Variants in GLIS3 observed in about 807,000 individuals in gnomAD.
The protein encoded by GLIS3 is GLIS family zinc finger 3.
Under a neutral mutation model 78.6 loss-of-function variants are expected in GLIS3, and 53 were observed. The observed-to-expected ratio is 0.67, with a 90% confidence interval of 0.54 to 0.85. The LOEUF (loss-of-function observed/expected upper bound fraction) is 0.85. GLIS3 is among the 40% of genes least tolerant of loss of function. GLIS3 has a pLI of 0.00. For synonymous variants in GLIS3, 684 were observed against 509.9 expected (o/e 1.34, Z -4.60); for missense variants, 1,703 against 1,231.1 (o/e 1.38, Z -5.74).
Position 3,951,642 on chromosome 9 carries a change from T to C in GLIS3, c.1711-14453A>G, listed in dbSNP as rs915746472. Reference sequence around the variant, plus strand: ...AAGGGACCGACCGGTCCTCCTTAGCTCTAAACTTCAGGGTGAACGGACACT... The same window carrying C: ...AAGGGACCGACCGGTCCTCCTTAGCCCTAAACTTCAGGGTGAACGGACACT... On this transcript the variant is annotated intron_variant, in intron 4 of 10. Coordinates refer to ENST00000381971, the MANE Select transcript of GLIS3 (RefSeq NM_001042413.2). Among the ~76,000 whole-genome samples the C allele has an allele frequency of 2.6e-5, 4 of 152,164 alleles. No individual in the cohort carries two copies. The South Asian group carries it at 8.3e-4, about 32-fold the overall frequency.
intron 2 of GLIS3, among the ~76,000 whole-genome samples, chr9:4,155,262 A>G (rs979444033): frequency 6.6e-6 from 1 of 152,208 alleles, no homozygotes; most frequent in Non-Finnish European, 1.5e-5. Flanking sequence ...ATCACTGCCA[A>G]AAGATTTTTA....
At chr9:4,483,551 C>G in the GLIS3 span, among the ~76,000 whole-genome samples, 2 of 151,882 alleles carry the variant, frequency 1.3e-5, no homozygotes, top group Non-Finnish European at 2.9e-5. Flanking sequence ...AACCCCATCT[C>G]TACTAAAAAT....
rs375294710 is a variant in GLIS3 at position 4,123,916 on chromosome 9, CA to C, written c.596+1817del. 276 of 395,740 alleles carry C rather than the reference CA, an allele frequency of 7.0e-4. 2 individuals are homozygous for C. Among genetic ancestry groups the C allele is most frequent in the African/African-American group, 5.0e-3 (241 of 48,654 alleles). 24.5% of individuals were successfully genotyped at this position (395,740 alleles called of 1,614,324 possible). ...CAGCTTTTCATAGGGCAGCATCTCTCAAACTGGACAGTTCATGCCCCCTTTT... is the reference window on the plus strand; with the variant it reads ...CAGCTTTTCATAGGGCAGCATCTCTCAACTGGACAGTTCATGCCCCCTTTT... On this transcript the variant is annotated intron_variant, in intron 3 of 10. Transcript: ENST00000381971.
At chr9:3,830,857 C>T (rs1050662227) in intron 9 of GLIS3, among the ~76,000 whole-genome samples, 4 of 152,212 alleles carry the variant, frequency 2.6e-5, no homozygotes, top group Admixed American at 2.0e-4. Context: ...TGAACTGATA[C>T]ATCCAACCTA....
rs77673536 is a variant in GLIS3, at chr9:4,275,458, G to A, written c.388+10580C>T. On this transcript the variant is annotated intron_variant, in intron 2 of 10. Transcript: ENST00000381971. Reference sequence around the variant, plus strand: ...GTCCTATTCAGTGTAAAACCACACAGCACATAAAGAATGAGATTGGGCAGA... The same window carrying A: ...GTCCTATTCAGTGTAAAACCACACAACACATAAAGAATGAGATTGGGCAGA... Among the ~76,000 whole-genome samples, 427 of 152,186 alleles carry A rather than the reference G, an allele frequency of 2.8e-3. 2 individuals carry two copies. Among genetic ancestry groups the A allele is most frequent in the Non-Finnish European group, 4.5e-3 (308 of 67,988 alleles).
the GLIS3 span, among the ~76,000 whole-genome samples, chr9:4,475,367 T>A: frequency 2.6e-5 from 4 of 152,206 alleles, no homozygotes; most frequent in Non-Finnish European, 5.9e-5. Context: ...CAATCAGGGT[T>A]GTTTTTCATT....
chr9:4,332,571 A>C (rs1212235420), intron 2 of GLIS3, among the ~76,000 whole-genome samples: 1 of 152,222 alleles, frequency 6.6e-6, no homozygotes, highest in Non-Finnish European at 1.5e-5. Context: ...CTCCACATTG[A>C]AGACAGCAGA....
At chr9:4,440,039 T>G in the GLIS3 span, among the ~76,000 whole-genome samples, 2 of 152,200 alleles carry the variant, frequency 1.3e-5, no homozygotes, top group Non-Finnish European at 2.9e-5. Flanking sequence ...TTGTAATAGG[T>G]TTGTTTTCTT....
At chr9:4,008,934 G>C (rs1381792248) in intron 4 of GLIS3, among the ~76,000 whole-genome samples, 1 of 152,122 alleles carries the variant, frequency 6.6e-6, no homozygotes, top group African/African-American at 2.4e-5. Context: ...CTAACTCACA[G>C]CCTAGGGCTC....
At chr9:4,350,997 C>T (rs1466453611), upstream of GLIS3, among the ~76,000 whole-genome samples, 6 of 151,798 alleles carry the variant, frequency 4.0e-5, no homozygotes, top group Admixed American at 1.3e-4. Context: ...TAGGTCACAC[C>T]GCCATGAAGC....
At chr9:3,944,440 G>T (rs1293324475) in intron 4 of GLIS3, among the ~76,000 whole-genome samples, 2 of 152,090 alleles carry the variant, frequency 1.3e-5, no homozygotes, top group African/African-American at 4.8e-5. Flanking sequence ...ATACATACAA[G>T]GTATCATATA....
At chr9:4,304,685 T>C (rs752575258), upstream of GLIS3, among the ~76,000 whole-genome samples, 2 of 152,184 alleles carry the variant, frequency 1.3e-5, no homozygotes, top group African/African-American at 2.4e-5. Flanking sequence ...CTCAGAATAA[T>C]TGAGAGCAAC....
intron 2 of GLIS3, among the ~76,000 whole-genome samples, chr9:4,152,397 G>A (rs1327920274): frequency 6.6e-6 from 1 of 152,072 alleles, no homozygotes; most frequent in Non-Finnish European, 1.5e-5. Context: ...CAATAACAAG[G>A]TTTACATTTT....
intron 4 of GLIS3, among the ~76,000 whole-genome samples, chr9:4,085,882 T>C (rs545117469): frequency 2.0e-5 from 3 of 152,226 alleles, no homozygotes; most frequent in Non-Finnish European, 4.4e-5. Context: ...CATGCCACTA[T>C]GCTTCCTGTA....
the GLIS3 span, among the ~76,000 whole-genome samples, chr9:4,363,666 T>A: frequency 6.6e-6 from 1 of 152,214 alleles, no homozygotes; most frequent in South Asian, 2.1e-4. Flanking sequence ...TCTCTCCACC[T>A]CTATCAATTT....
intron 4 of GLIS3, among the ~76,000 whole-genome samples, chr9:4,091,188 C>G (rs966654982): frequency 3.6e-4 from 54 of 151,952 alleles, no homozygotes; most frequent in African/African-American, 1.3e-3. Flanking sequence ...GACCCCATCT[C>G]TACAAAAATA....
chr9:4,408,684 G>C, the GLIS3 span, among the ~76,000 whole-genome samples: 1 of 120,664 alleles, frequency 8.3e-6, no homozygotes, highest in Non-Finnish European at 1.6e-5. Context: ...CCGAGATCAC[G>C]CCACCGCACT....
chr9:4,324,835 T>C (rs1235835281), intron 2 of GLIS3, among the ~76,000 whole-genome samples: 1 of 152,174 alleles, frequency 6.6e-6, no homozygotes, highest in Non-Finnish European at 1.5e-5. Context: ...TAAAATAAAA[T>C]AATCACTTCA....
intron 3 of GLIS3, among the ~76,000 whole-genome samples, chr9:4,122,667 A>C (rs1007849280): frequency 4.6e-5 from 7 of 152,214 alleles, no homozygotes; most frequent in African/African-American, 1.7e-4. Context: ...AAATTCAATC[A>C]TAAAATGCAG....
Sources: gnomAD v4.1 joint callset for allele counts (sites outside exome capture counted in the v4.1 genomes callset) on GRCh38, gnomAD v4.1.1 for gene constraint, MANE v1.5 for transcripts, NCBI Gene and HGNC (gene_info 2026-07-23, HGNC 2026-07-21) for gene names.